The following GMPS variants were observed in gnomAD, a reference collection of about 807,000 sequenced individuals.
GMPS encodes the protein guanosine monophosphate synthase.
In GMPS, 15 loss-of-function variants were observed where a neutral mutation model predicts 77.9. The ratio of observed to expected loss-of-function variants is 0.19; its 90% CI spans 0.13 to 0.30. GMPS has a LOEUF of 0.30. Among genes scored for constraint, GMPS ranks in the 10% least tolerant of loss-of-function variants. GMPS has a pLI of 1.00. For synonymous variants in GMPS, 224 were observed against 275.9 expected (o/e 0.81, Z 1.86); for missense variants, 590 against 838.8 (o/e 0.70, Z 3.66).
Position 155,942,971 on chromosome 3 carries a change from C to T in GMPS, c.*5279C>T, listed in dbSNP as rs1174422976. 3 of 184,518 alleles carry T rather than the reference C, an allele frequency of 1.6e-5. No homozygotes were observed. Among genetic ancestry groups the T allele is most frequent in the Non-Finnish European group, 3.4e-5 (3 of 87,086 alleles). 11.4% of individuals were successfully genotyped at this position (184,518 alleles called of 1,614,324 possible). A position where few individuals can be genotyped will look rare whatever the true frequency, so the allele number is the denominator to read the frequency against. On this transcript the variant is annotated 3_prime_UTR_variant, in exon 16 of 16. Transcript: ENST00000496455. ...TGTGACCAGGCACAGTGGCGCATGC[C>T]TGTAATCCCAGCACTTTGGGAGGCC...
intron 1 of GMPS, among the ~76,000 whole-genome samples, chr3:155,881,164 G>GTTTTTTTTTTTTT (rs11334499): frequency 3.8e-5 from 2 of 52,942 alleles, no homozygotes; most frequent in Non-Finnish European, 6.8e-5. Context: ...TTTGATATTA[G>GTTTTTTTTTTTTT]TTTTTTTTTT....
chr3:155,890,702 C>A (rs1484200351), intron 1 of GMPS, among the ~76,000 whole-genome samples: 1 of 152,194 alleles, frequency 6.6e-6, no homozygotes, highest in African/African-American at 2.4e-5. Context: ...CCTGGAGTCA[C>A]TTCCTTTGGG....
chr3:155,889,989 G>C (rs752407822), intron 1 of GMPS, among the ~76,000 whole-genome samples: 1 of 152,106 alleles, frequency 6.6e-6, no homozygotes, highest in South Asian at 2.1e-4. Context: ...CATTAGGATG[G>C]TTTTTCTAAT....
At chr3:155,875,918 T>C (rs1754040495) in intron 1 of GMPS, among the ~76,000 whole-genome samples, 1 of 152,104 alleles carries the variant, frequency 6.6e-6, no homozygotes, top group African/African-American at 2.4e-5. Flanking sequence ...AAGATTGTTA[T>C]AATGTGAAAG....
At chr3:155,905,260 G>A (rs1327782727) in intron 4 of GMPS, among the ~76,000 whole-genome samples, 5 of 151,902 alleles carry the variant, frequency 3.3e-5, no homozygotes, top group Admixed American at 6.6e-5. Context: ...CTCGGCCTCC[G>A]AAAGTGCTGG....
chr3:155,923,509 G>C (rs1353030087), intron 11 of GMPS, among the ~76,000 whole-genome samples: 1 of 152,110 alleles, frequency 6.6e-6, no homozygotes, highest in Non-Finnish European at 1.5e-5. Flanking sequence ...AGAAATTAAA[G>C]ACTGCCAAAG....
intron 11 of GMPS, among the ~76,000 whole-genome samples, chr3:155,924,997 G>A (rs1755415713): frequency 6.6e-6 from 1 of 152,188 alleles, no homozygotes; most frequent in Non-Finnish European, 1.5e-5. Context: ...TCACTTGCTG[G>A]TGACAGGGTA....
chr3:155,902,350 C>A lies in GMPS; in HGVS notation c.325-1513C>A, dbSNP rs1754754789. 1.3e-5 allele frequency among the ~76,000 whole-genome samples: 2 copies of A among 152,188 alleles called. 1 individual carries two copies. Among genetic ancestry groups the A allele is most frequent in the South Asian group, 4.1e-4 (2 of 4,834 alleles). ...ATCCTGTAGACCAGGCATCAGTAAG[C>A]TATGGCCTATAGACCAAATCTGGCC... On this transcript the variant is annotated intron_variant, in intron 3 of 15. Coordinates refer to ENST00000496455, the MANE Select transcript of GMPS (RefSeq NM_003875.3).
chr3:155,902,337 A>G (rs973385729), intron 3 of GMPS, among the ~76,000 whole-genome samples: 4 of 152,244 alleles, frequency 2.6e-5, no homozygotes, highest in Non-Finnish European at 5.9e-5. Flanking sequence ...CCTGTAGACC[A>G]GGCATCAGTA....
At chr3:155,875,342 T>C (rs116652466) in intron 1 of GMPS, among the ~76,000 whole-genome samples, 5,245 of 152,288 alleles carry the variant, frequency 0.034, 142 homozygotes, top group Middle Eastern at 0.061. Flanking sequence ...GGAATTCTCC[T>C]GACTCAGCCT....
intron 1 of GMPS, among the ~76,000 whole-genome samples, chr3:155,889,494 G>A (rs1754414856): frequency 6.6e-6 from 1 of 152,184 alleles, no homozygotes; most frequent in Non-Finnish European, 1.5e-5. Flanking sequence ...TTGGGTGTTG[G>A]GAATTCTCCT....
At chr3:155,886,611 CTTT>C (rs58367815) in intron 1 of GMPS, among the ~76,000 whole-genome samples, 25 of 78,044 alleles carry the variant, frequency 3.2e-4, no homozygotes, top group African/African-American at 1.2e-3. Flanking sequence ...TTCCTGATGA[CTTT>C]TTTTTTTTTT....
At chr3:155,888,692 TCTC>T (rs1024499678) in intron 1 of GMPS, among the ~76,000 whole-genome samples, 10 of 151,924 alleles carry the variant, frequency 6.6e-5, no homozygotes, top group African/African-American at 1.4e-4. Context: ...TTTGAGCAAT[TCTC>T]CTGCCTCAGC....
chr3:155,925,286 G>T lies in GMPS; in HGVS notation c.1480G>T (p.Asp494Tyr), dbSNP rs748458075. ...AGTCAAAGCCTGCACAACAGAAGAG[G>T]ATCAGGAGAAGCTGATGCAAATTAC... is the stretch of plus-strand genomic sequence containing the variant. ...QRVKACTTEEDQEKLMQITSL... is the reference protein window; with the variant it reads ...QRVKACTTEEYQEKLMQITSL... The change falls in exon 12 of 16, where the codon GAT (aspartate) becomes TAT (tyrosine). Residue 494 changes from aspartate (D) to tyrosine (Y), a missense_variant. Coordinates refer to ENST00000496455, the MANE Select transcript of GMPS (RefSeq NM_003875.3). 1.9e-6 allele frequency: 3 copies of T among 1,612,582 alleles called. No homozygotes were observed. Among genetic ancestry groups the T allele is most frequent in the Non-Finnish European group, 2.5e-6 (3 of 1,178,634 alleles).
chr3:155,890,976 G>A (rs1034459350), intron 1 of GMPS, among the ~76,000 whole-genome samples: 6 of 152,206 alleles, frequency 3.9e-5, no homozygotes, highest in Non-Finnish European at 8.8e-5. Context: ...GCAACACACT[G>A]CACTCTGGCT....
At chr3:155,894,518 C>T (rs963753343) in intron 2 of GMPS, among the ~76,000 whole-genome samples, 1 of 152,096 alleles carries the variant, frequency 6.6e-6, no homozygotes, top group African/African-American at 2.4e-5. Flanking sequence ...GCCACCGTGC[C>T]CGGCCAGTGT....
Position 155,937,626 on chromosome 3 carries a change from T to G in GMPS, c.2016T>G (p.Ile672Met). 4 of 1,509,118 alleles carry G rather than the reference T, an allele frequency of 2.7e-6. No homozygotes were observed. The highest frequency in any genetic ancestry group is 3.7e-6 in the Non-Finnish European group (4 of 1,085,642). 93.5% of individuals were successfully genotyped at this position (1,509,118 alleles called of 1,614,324 possible). A position where few individuals can be genotyped will look rare whatever the true frequency, so the allele number is the denominator to read the frequency against. The change falls in exon 16 of 16, where the codon ATT becomes ATG. Residue 672 changes from isoleucine (I) to methionine (M), a missense_variant. Around this residue, in one of 6 missense-constraint regions of GMPS, gnomAD observed 73 missense variants for 170.5 expected, o/e 0.43. Coordinates refer to ENST00000496455, the MANE Select transcript of GMPS (RefSeq NM_003875.3). ...AGATGGTCACTGAGATTAAGAAGAT[T>G]CCTGGTATTTCTCGAATTATGTATG... ...VLKMVTEIKK[I>M]PGISRIMYDL...
chr3:155,910,979 C>T (rs906928021), intron 6 of GMPS, 94 bp downstream of exon 6: 3 of 1,086,156 alleles, frequency 2.8e-6, no homozygotes, highest in Non-Finnish European at 4.0e-6. Context: ...AAATGTTCTA[C>T]AGTTTTAGAG....
At chr3:155,923,368 A>C (rs1755367621) in intron 11 of GMPS, among the ~76,000 whole-genome samples, 1 of 152,166 alleles carries the variant, frequency 6.6e-6, no homozygotes, top group Non-Finnish European at 1.5e-5. Flanking sequence ...TATGTCCAGA[A>C]GGAAATAATA....
Sources: allele counts gnomAD v4.1 joint callset (sites outside exome capture counted in the v4.1 genomes callset), GRCh38; gene constraint gnomAD v4.1.1; regional missense constraint gnomAD v4.1.1; transcripts MANE v1.5; gene names NCBI Gene and HGNC (gene_info 2026-07-23, HGNC 2026-07-21).